The following CACNA1E variants were observed in gnomAD, a reference collection of about 807,000 sequenced individuals.
CACNA1E encodes the protein calcium voltage-gated channel subunit alpha1 E.
In CACNA1E, 40 loss-of-function variants were observed where a neutral mutation model predicts 259.2. The ratio of observed to expected loss-of-function variants is 0.15; its 90% CI spans 0.12 to 0.20. The LOEUF (loss-of-function observed/expected upper bound fraction) is 0.20. CACNA1E is among the 10% of genes least tolerant of loss of function. The pLI, the probability that CACNA1E is intolerant of heterozygous loss-of-function variation, is 1.00. For synonymous variants in CACNA1E, 1,104 were observed against 1,138.5 expected, an observed-to-expected ratio of 0.97 and a Z score of 0.61; for missense variants, 1,874 against 3,040.1, an observed-to-expected ratio of 0.62 and a Z score of 9.02.
chr1:181,802,121 G>T lies in CACNA1E; in HGVS notation c.*3287G>T, dbSNP rs1279821281. 1 of 152,238 alleles carries T rather than the reference G, an allele frequency of 6.6e-6. No homozygotes were observed. The highest frequency in any genetic ancestry group is 1.5e-5 in the Non-Finnish European group (1 of 68,056). The allele number at this position is 152,238 out of a possible 1,614,324, so 9.4% of individuals were successfully genotyped here. ...CCAGCCAAGGTGCCCCTGAGCCAGG[G>T]TCAACATAGAATTTCCTGCCCCGTG... On this transcript the variant is annotated 3_prime_UTR_variant, in exon 48 of 48. Transcript: ENST00000367573.
chr1:181,421,076 C>T (rs1306395592), intron 2 of CACNA1E, among the ~76,000 whole-genome samples: 1 of 152,178 alleles, frequency 6.6e-6, no homozygotes, highest in African/African-American at 2.4e-5. Flanking sequence ...AAGTTACCTG[C>T]CCAGTATCAC....
intron 1 of CACNA1E, among the ~76,000 whole-genome samples, chr1:181,353,435 A>G (rs1388422765): frequency 1.3e-5 from 2 of 152,230 alleles, no homozygotes; most frequent in East Asian, 3.8e-4. Context: ...AGGAAGTCAT[A>G]TCTGCTCTGA....
At chr1:181,792,156 T>G (rs1305953971) in intron 44 of CACNA1E, among the ~76,000 whole-genome samples, 1 of 152,112 alleles carries the variant, frequency 6.6e-6, no homozygotes. Flanking sequence ...CTCGCAGCAT[T>G]TTGCCTGCCT....
intron 1 of CACNA1E, among the ~76,000 whole-genome samples, chr1:181,380,684 A>G (rs1164675755): frequency 6.6e-6 from 1 of 152,224 alleles, no homozygotes; most frequent in Non-Finnish European, 1.5e-5. Context: ...CTAAAATTAA[A>G]AATACTGATG....
chr1:181,798,580 G>A lies in CACNA1E; in HGVS notation c.6688G>A (p.Glu2230Lys), dbSNP rs1005165258. 2 of 1,613,484 alleles carry A rather than the reference G, an allele frequency of 1.2e-6. No homozygotes were observed. Among genetic ancestry groups the A allele is most frequent in the Non-Finnish European group, 1.7e-6 (2 of 1,179,888 alleles). ...TGCCTCCCCACAGCGCTACATCTCCGAGCCCTACTTGGCCCTGCACGAAGA... is the reference window on the plus strand; with the variant it reads ...TGCCTCCCCACAGCGCTACATCTCCAAGCCCTACTTGGCCCTGCACGAAGA... ...QHASPQRYISEPYLALHEDSH... is the reference protein window; with the variant it reads ...QHASPQRYISKPYLALHEDSH... Residue 2230 changes from glutamate to lysine, a missense_variant, in exon 48 of 48, where the codon GAG (glutamate) becomes AAG (lysine). Coordinates refer to ENST00000367573, the MANE Select transcript of CACNA1E (RefSeq NM_001205293.3). The surrounding 1 kb of genome is among the most constrained non-coding windows in gnomAD (Gnocchi z 4.2).
Position 181,721,735 on chromosome 1 carries a change from C to T in CACNA1E, c.1957-23C>T, listed in dbSNP as rs74127830. 1,324 of 1,497,156 alleles carry T rather than the reference C, an allele frequency of 8.8e-4. 12 individuals carry two copies. The African/African-American group carries it at 0.015, about 17-fold the overall frequency. 92.7% of individuals were successfully genotyped at this position (1,497,156 alleles called of 1,614,324 possible). A position where few individuals can be genotyped will look rare whatever the true frequency, so the allele number is the denominator to read the frequency against. On this transcript the variant is annotated intron_variant, in intron 15 of 47. Transcript: ENST00000367573. The stretch of plus-strand genomic sequence containing the variant: ...TCTCCTCCAGCCCAGGTTTCTGATG[C>T]GCCTGTCATTTGCTTTTTGTAGATC...
At chr1:181,697,791 GA>G (rs2102357620) in intron 7 of CACNA1E, among the ~76,000 whole-genome samples, 1 of 152,322 alleles carries the variant, frequency 6.6e-6, no homozygotes, top group Non-Finnish European at 1.5e-5. Context: ...TTATGGACTG[GA>G]AATAGTTTGC....
intron 1 of CACNA1E, among the ~76,000 whole-genome samples, chr1:181,364,645 G>A (rs1654134334): frequency 6.6e-6 from 1 of 152,210 alleles, no homozygotes; most frequent in African/African-American, 2.4e-5. Flanking sequence ...ATGATGCTGT[G>A]TCCTTGGTGA....
At chr1:181,424,251 A>G (rs1329636796) in intron 2 of CACNA1E, among the ~76,000 whole-genome samples, 1 of 152,256 alleles carries the variant, frequency 6.6e-6, no homozygotes, top group African/African-American at 2.4e-5. Context: ...CAGAGAATCC[A>G]GAGAATTGGG....
At chr1:181,781,797 G>A (rs971251268) in intron 39 of CACNA1E, among the ~76,000 whole-genome samples, 5 of 152,182 alleles carry the variant, frequency 3.3e-5, no homozygotes, top group African/African-American at 9.7e-5. Flanking sequence ...TGAGTTACCT[G>A]ACAAGCAGTG....
intron 7 of CACNA1E, among the ~76,000 whole-genome samples, chr1:181,658,817 G>T (rs551636152): frequency 1.5e-4 from 23 of 152,266 alleles, no homozygotes; most frequent in African/African-American, 5.5e-4. Context: ...TATAGGCTGG[G>T]ACTGAAATCA....
intron 8 of CACNA1E, among the ~76,000 whole-genome samples, chr1:181,714,493 G>A (rs1653700173): frequency 6.6e-6 from 1 of 152,014 alleles, no homozygotes. Context: ...TAAACCATCG[G>A]CCATTGGCAA....
chr1:181,513,862 A>G (rs960111182), intron 3 of CACNA1E, among the ~76,000 whole-genome samples: 1 of 152,086 alleles, frequency 6.6e-6, no homozygotes, highest in African/African-American at 2.4e-5. Flanking sequence ...TCTCTTTCCC[A>G]TCCCTCACAT....
chr1:181,753,023 T>G (rs1175522184), intron 27 of CACNA1E, among the ~76,000 whole-genome samples: 4 of 152,208 alleles, frequency 2.6e-5, no homozygotes, highest in Non-Finnish European at 4.4e-5. Flanking sequence ...GGAAAGTTCT[T>G]TCTCTCTGAA....
chr1:181,647,820 AC>A (rs1194531586), intron 6 of CACNA1E, among the ~76,000 whole-genome samples: 5 of 152,134 alleles, frequency 3.3e-5, no homozygotes, highest in African/African-American at 1.2e-4. Context: ...TGTGTCACTG[AC>A]CCGTGGACAA....
intron 7 of CACNA1E, chr1:181,669,084 G>A (rs1648536861): frequency 6.6e-6 from 1 of 152,102 alleles, no homozygotes; most frequent in African/African-American, 2.4e-5. Flanking sequence ...TTAAAATTAT[G>A]GACCAGTAAG....
At chr1:181,617,001 G>A (rs1179225620) in intron 6 of CACNA1E, among the ~76,000 whole-genome samples, 2 of 152,016 alleles carry the variant, frequency 1.3e-5, no homozygotes, top group Non-Finnish European at 2.9e-5. Context: ...AACATTCATA[G>A]GATCTGTAGT....
At chr1:181,452,178 A>C (rs1195502624) in intron 2 of CACNA1E, among the ~76,000 whole-genome samples, 1 of 152,212 alleles carries the variant, frequency 6.6e-6, no homozygotes, top group African/African-American at 2.4e-5. Context: ...TGAGAAGACA[A>C]ATAGACTTTT....
chr1:181,758,903 T>G lies in CACNA1E; in HGVS notation c.4605+35T>G. The G allele has an allele frequency of 8.4e-7, 1 of 1,186,450 alleles. No homozygotes were observed. The highest frequency in any genetic ancestry group is 1.3e-6 in the Non-Finnish European group (1 of 798,052). The allele number at this position is 1,186,450 out of a possible 1,614,324, so 73.5% of individuals were successfully genotyped here. On this transcript the variant is annotated intron_variant, in intron 32 of 47. Coordinates refer to ENST00000367573, the MANE Select transcript of CACNA1E (RefSeq NM_001205293.3). The surrounding 1 kb of genome is among the most constrained non-coding windows in gnomAD (Gnocchi z 4.2). ...TGAATCCTTCCCAGCACTGGGCTTG[T>G]CTCTTTCTGTTGGGTGCCTTCCCAG...
Sources: allele counts gnomAD v4.1 joint callset (sites outside exome capture counted in the v4.1 genomes callset), GRCh38; gene constraint gnomAD v4.1.1; non-coding constraint Gnocchi (gnomAD v3.1); transcripts MANE v1.5; gene names NCBI Gene and HGNC (gene_info 2026-07-23, HGNC 2026-07-21).